ZNF227: variants seen among roughly 807,000 people sequenced by gnomAD.
The protein encoded by ZNF227 is zinc finger protein 227.
Under a neutral mutation model 13.2 loss-of-function variants are expected in ZNF227, and 12 were observed. The observed-to-expected ratio is 0.91, with a 90% CI of 0.58 to 1.47. ZNF227 has a LOEUF of 1.47. Ranked by LOEUF, ZNF227 falls within the 40% of genes most tolerant of loss-of-function variation. The pLI is 0.00. For missense variants in ZNF227, 885 were observed against 967.5 expected, an observed-to-expected ratio of 0.91 and a Z score of 1.13; for synonymous variants, 338 against 326.0, an observed-to-expected ratio of 1.04 and a Z score of -0.40.
At chr19:44,230,015 T>G (rs1973619521) in intron 5 of ZNF227, among the ~76,000 whole-genome samples, 199 bp downstream of exon 5, 1 of 152,060 alleles carries the variant, frequency 6.6e-6, no homozygotes, top group Non-Finnish European at 1.5e-5. Flanking sequence ...GTGGTTCTTT[T>G]TTTAATCTTT....
chr19:44,225,616 A>G (rs1192453263), intron 3 of ZNF227, among the ~76,000 whole-genome samples: 2 of 152,144 alleles, frequency 1.3e-5, no homozygotes, highest in Non-Finnish European at 2.9e-5. Flanking sequence ...TTTCAGCTCC[A>G]TCAGCTCCTT....
rs1425634744 is a variant in ZNF227, at chr19:44,234,937, T to C, written c.507T>C (p.Phe169=). The C allele has an allele frequency of 6.2e-6, 10 of 1,613,604 alleles. No homozygotes were observed. The highest frequency in any genetic ancestry group is 8.5e-6 in the Non-Finnish European group (10 of 1,179,930). Residue 169 remains phenylalanine (F), a synonymous_variant, in exon 6 of 6, where the codon TTT becomes TTC. Transcript: ENST00000313040. ...CTATTTATATTGAAAATCAAGAGTT[T>C]CCATTTTGGAGAACCCAGCATTCTT... ...DSSIYIENQE[F]PFWRTQHSCG... is the part of the protein sequence containing the mutation.
intron 2 of ZNF227, among the ~76,000 whole-genome samples, chr19:44,216,291 GTTTC>G (rs911861466): frequency 4.6e-5 from 7 of 151,282 alleles, no homozygotes; most frequent in Admixed American, 2.6e-4. Context: ...CAGGTTGACA[GTTTC>G]TTTATTTTGG....
At chr19:44,228,652 C>G in intron 4 of ZNF227, 80 bp downstream of exon 4, 1 of 1,377,548 alleles carries the variant, frequency 7.3e-7, no homozygotes, top group Non-Finnish European at 9.5e-7. Flanking sequence ...GGGTTTGGAC[C>G]TTTTAAAATG....
Position 44,235,457 on chromosome 19 carries a change from T to C in ZNF227, c.1027T>C (p.Tyr343His), listed in dbSNP as rs1555793719. The C allele has an allele frequency of 6.2e-7, 1 of 1,614,132 alleles. No individual in the cohort carries two copies. Among genetic ancestry groups the C allele is most frequent in the Non-Finnish European group, 8.5e-7 (1 of 1,180,036 alleles). The change falls in exon 6 of 6, where the codon TAC becomes CAC. Residue 343 changes from tyrosine to histidine, a missense_variant. By Grantham distance (83) the Tyr-to-His change is moderately conservative. Transcript: ENST00000313040. ...FSSSTGLIIH[Y>H]RTHTGEKPYK... ...TAGCAGCACGGGTCTTATCATTCAT[T>C]ACAGAACTCATACTGGAGAGAAACC... is the stretch of plus-strand genomic sequence containing the variant.
At position 44,237,030 on chromosome 19, in the gene ZNF227, G is replaced by A. The variant is rs1974582761; in HGVS notation, c.*200G>A. Reference sequence around the variant, plus strand: ...AACTCGTATTTAGGGGAGAAATAGGGCTGGTGGCTCTCTTGGTAAGATCTA... The same window carrying A: ...AACTCGTATTTAGGGGAGAAATAGGACTGGTGGCTCTCTTGGTAAGATCTA... On this transcript the variant is annotated 3_prime_UTR_variant, in exon 6 of 6. Transcript: ENST00000313040. 1 of 512,932 alleles carries A rather than the reference G, an allele frequency of 1.9e-6. No homozygotes were observed. Among genetic ancestry groups the A allele is most frequent in the South Asian group, 3.4e-5 (1 of 29,064 alleles). 31.8% of individuals were successfully genotyped at this position (512,932 alleles called of 1,614,324 possible). A position where few individuals can be genotyped will look rare whatever the true frequency, so the allele number is the denominator to read the frequency against.
Position 44,236,787 on chromosome 19 carries a change from G to A in ZNF227, c.2357G>A (p.Arg786His), listed in dbSNP as rs775565530. The A allele has an allele frequency of 1.3e-5, 21 of 1,600,956 alleles. No individual in the cohort carries two copies. The highest frequency in any genetic ancestry group is 8.1e-5 in the African/African-American group (6 of 74,264). Residue 786 changes from arginine to histidine, a missense_variant, in exon 6 of 6, where the codon CGT becomes CAT. Physicochemically the swap from Arg to His is conservative, Grantham distance 29. Transcript: ENST00000313040. ...GATAAGGACTTCCGTCACCGTTCACGTCTTACATATCATCAGAAAGTCCAT... is the reference window on the plus strand; with the variant it reads ...GATAAGGACTTCCGTCACCGTTCACATCTTACATATCATCAGAAAGTCCAT... The part of the protein sequence containing the change: ...ICDKDFRHRS[R>H]LTYHQKVHTG...
intron 5 of ZNF227, among the ~76,000 whole-genome samples, chr19:44,230,956 T>TATATATATATATATATATA (rs1355769924): frequency 7.6e-6 from 1 of 131,560 alleles, no homozygotes. Flanking sequence ...TATATATATC[T>TATATATATATATATATATA]TAGCCAGGCA....
At chr19:44,215,380 T>C (rs950906111) in intron 2 of ZNF227, among the ~76,000 whole-genome samples, 5 of 151,456 alleles carry the variant, frequency 3.3e-5, no homozygotes, top group Non-Finnish European at 7.4e-5. Context: ...ACAGTATATC[T>C]TTTTTTTGTT....
intron 3 of ZNF227, among the ~76,000 whole-genome samples, chr19:44,222,323 G>C (rs1972615259): frequency 6.6e-6 from 1 of 152,128 alleles, no homozygotes; most frequent in Admixed American, 6.5e-5. Context: ...GCTTGATGGG[G>C]ATGGCATTGA....
At chr19:44,217,620 A>G (rs769015554) in intron 2 of ZNF227, 171 bp from the exon 3 acceptor site, 35 of 792,318 alleles carry the variant, frequency 4.4e-5, no homozygotes, top group African/African-American at 1.0e-4. Flanking sequence ...TCACTGCCCA[A>G]TGGCACTGAA....
chr19:44,217,705 A>T (rs1972035104), intron 2 of ZNF227, 86 bp from the exon 3 acceptor site: 1 of 1,407,174 alleles, frequency 7.1e-7, no homozygotes. Context: ...ACCTGTCTGA[A>T]TGTAGGGCTA....
intron 5 of ZNF227, among the ~76,000 whole-genome samples, chr19:44,230,254 G>GGGGTTGAGGGGAGGAC (rs1428738305): frequency 6.6e-5 from 10 of 152,236 alleles, no homozygotes; most frequent in Admixed American, 5.9e-4. Flanking sequence ...GACTCAAGCA[G>GGGGTTGAGGGGAGGAC]TCTTCCCACC....
chr19:44,228,951 C>A, intron 4 of ZNF227: 1 of 293,812 alleles, frequency 3.4e-6, no homozygotes, highest in Non-Finnish European at 6.2e-6. Flanking sequence ...AGTAGTGCTG[C>A]AGTTGCAAAA....
rs1974540183 is a variant in ZNF227, at chr19:44,236,651, GA to G, written c.2226del (p.Lys742AsnfsTer78). ...LRVHLGVHTR[E>X]KLFKCEECGK... ...AGTCCACCTGGGTGTTCACACCAGG[GA>G]AAAACTCTTTAAATGTGAAGAGTGT... On this transcript the variant is annotated frameshift_variant, in exon 6 of 6. Transcript: ENST00000313040. LOFTEE classifies it low-confidence loss of function (END_TRUNC). 6.2e-7 allele frequency: 1 copy of G among 1,613,784 alleles called. No individual in the cohort carries two copies. Among genetic ancestry groups the G allele is most frequent in the Non-Finnish European group, 8.5e-7 (1 of 1,179,968 alleles).
intron 3 of ZNF227, among the ~76,000 whole-genome samples, chr19:44,223,636 C>T (rs1972782855): frequency 6.6e-6 from 1 of 152,074 alleles, no homozygotes; most frequent in Admixed American, 6.5e-5. Flanking sequence ...TTTATTGGGT[C>T]TATTTGATTC....
At chr19:44,232,444 G>A (rs1263794270) in intron 5 of ZNF227, among the ~76,000 whole-genome samples, 1 of 152,148 alleles carries the variant, frequency 6.6e-6, no homozygotes, top group Admixed American at 6.6e-5. Flanking sequence ...TAATTTGTTA[G>A]AATGACTGAC....
chr19:44,225,039 C>G (rs562456580), intron 3 of ZNF227, among the ~76,000 whole-genome samples: 13 of 151,316 alleles, frequency 8.6e-5, no homozygotes, highest in Non-Finnish European at 1.9e-4. Flanking sequence ...CTTAGTTTGG[C>G]TGGATATGAA....
At chr19:44,234,627 G>T in intron 5 of ZNF227, 75 bp from the exon 6 acceptor site, 2 of 1,368,954 alleles carry the variant, frequency 1.5e-6, no homozygotes, top group Non-Finnish European at 2.0e-6. Flanking sequence ...TGGCCTAAGT[G>T]TGAAATTCTG....
Sources: allele counts gnomAD v4.1 joint callset (sites outside exome capture counted in the v4.1 genomes callset), GRCh38; gene constraint gnomAD v4.1.1; transcripts MANE v1.5; gene names NCBI Gene and HGNC (gene_info 2026-07-23, HGNC 2026-07-21).